The following GRAMD1B variants were observed in gnomAD, a reference collection of about 807,000 sequenced individuals.
The protein encoded by GRAMD1B is protein Aster-B.
A neutral mutation model predicts 99.7 loss-of-function variants in GRAMD1B; 37 were observed. The ratio of observed to expected loss-of-function variants is 0.37; its 90% CI spans 0.29 to 0.49. The LOEUF is 0.49. GRAMD1B is among the 20% of genes least tolerant of loss of function. The probability of loss-of-function intolerance (pLI) is 0.98; values close to 1 mark genes in which losing one functional copy is unlikely to be tolerated. For synonymous variants in GRAMD1B, 427 were observed against 387.6 expected, an observed-to-expected ratio of 1.10 and a Z score of -1.19; for missense variants, 888 against 1,009.2, an observed-to-expected ratio of 0.88 and a Z score of 1.63.
chr11:123,561,825 GA>G (rs1193343018), intron 2 of GRAMD1B, among the ~76,000 whole-genome samples: 1 of 152,142 alleles, frequency 6.6e-6, no homozygotes, highest in Non-Finnish European at 1.5e-5. Context: ...GAACCAAGAT[GA>G]AAAAAGCTGG....
At chr11:123,599,641 T>A (rs1247294196) in intron 7 of GRAMD1B, among the ~76,000 whole-genome samples, 2 of 152,154 alleles carry the variant, frequency 1.3e-5, no homozygotes, top group Non-Finnish European at 2.9e-5. Flanking sequence ...CCTGGCTAAT[T>A]TTTGTATTTT....
At chr11:123,451,831 A>G (rs557989547) in intron 1 of GRAMD1B, among the ~76,000 whole-genome samples, 22 of 131,274 alleles carry the variant, frequency 1.7e-4, no homozygotes, top group African/African-American at 5.3e-4. Flanking sequence ...TTTGTTTGAC[A>G]GCAGATTATA....
chr11:123,491,537 G>A (rs545658889), intron 2 of GRAMD1B: 3 of 205,176 alleles, frequency 1.5e-5, no homozygotes, highest in East Asian at 1.1e-4. Flanking sequence ...GAGGACAAAG[G>A]AGGAGAGGAA....
At chr11:123,477,930 A>G (rs1307114999) in intron 1 of GRAMD1B, among the ~76,000 whole-genome samples, 1 of 151,326 alleles carries the variant, frequency 6.6e-6, no homozygotes, top group African/African-American at 2.4e-5. Flanking sequence ...GCTTGCCACC[A>G]AGACTGGCTA....
Position 123,618,814 on chromosome 11 carries a change from C to A in GRAMD1B, c.2426+14C>A. 1.5e-6 allele frequency: 2 copies of A among 1,301,238 alleles called. No individual in the cohort carries two copies. Among genetic ancestry groups the A allele is most frequent in the South Asian group, 1.3e-5 (1 of 79,370 alleles). The allele number at this position is 1,301,238 out of a possible 1,614,324, so 80.6% of individuals were successfully genotyped here. A position where few individuals can be genotyped will look rare whatever the true frequency, so the allele number is the denominator to read the frequency against. On this transcript the variant is annotated intron_variant, in intron 18 of 19. Coordinates refer to ENST00000635736, the MANE Select transcript of GRAMD1B (RefSeq NM_001387025.1). ...GCTCCAAGAAAGGTAATCCTGGCCT[C>A]GTCCCCTCACCTCCACCTTCATCCC...
In GRAMD1B at chr11:123,430,658, C is replaced by G. The variant is rs532060446; in HGVS notation, c.-135C>G. The G allele has an allele frequency of 2.8e-5, 14 of 508,802 alleles. No homozygotes were observed. The highest frequency in any genetic ancestry group is 1.7e-5 in the Non-Finnish European group (5 of 290,592). 31.5% of individuals were successfully genotyped at this position (508,802 alleles called of 1,614,324 possible). A position where few individuals can be genotyped will look rare whatever the true frequency, so the allele number is the denominator to read the frequency against. On this transcript the variant is annotated 5_prime_UTR_variant, in exon 1 of 20. Coordinates refer to ENST00000635736, the MANE Select transcript of GRAMD1B (RefSeq NM_001387025.1). Reference sequence around the variant, plus strand: ...CTCGCGTCCCTTCCTCGCTGCGCTCCGGGAAAGGAACTTGTTCCTTCGGCC... The same window carrying G: ...CTCGCGTCCCTTCCTCGCTGCGCTCGGGGAAAGGAACTTGTTCCTTCGGCC...
At chr11:123,605,510 C>A in intron 10 of GRAMD1B, 32 bp downstream of exon 10, 3 of 1,574,160 alleles carry the variant, frequency 1.9e-6, no homozygotes, top group Non-Finnish European at 2.6e-6. Flanking sequence ...CTTCTACCCC[C>A]AGTCCTGTGG....
At chr11:123,513,499 CCT>C (rs768277202) in intron 2 of GRAMD1B, among the ~76,000 whole-genome samples, 21 of 148,470 alleles carry the variant, frequency 1.4e-4, no homozygotes, top group African/African-American at 2.5e-4. Flanking sequence ...TTTCTTTCTC[CCT>C]CTCTCTTTCT....
intron 1 of GRAMD1B, among the ~76,000 whole-genome samples, chr11:123,416,654 G>GC (rs1315255388): frequency 5.3e-5 from 8 of 152,202 alleles, no homozygotes; most frequent in African/African-American, 1.9e-4. Flanking sequence ...GTTTTATAGT[G>GC]CCCTATGGTG....
intron 1 of GRAMD1B, among the ~76,000 whole-genome samples, chr11:123,389,851 T>C (rs1947210146): frequency 6.6e-6 from 1 of 152,240 alleles, no homozygotes; most frequent in South Asian, 2.1e-4. Context: ...GTTCAAGCGA[T>C]TCTTGTGCCT....
intron 1 of GRAMD1B, among the ~76,000 whole-genome samples, chr11:123,362,499 T>C (rs1457023356): frequency 6.6e-6 from 1 of 152,172 alleles, no homozygotes; most frequent in Non-Finnish European, 1.5e-5. Flanking sequence ...GGGGTCAGAA[T>C]TGGAGAGTGC....
chr11:123,550,452 C>T (rs1945501198), intron 2 of GRAMD1B, among the ~76,000 whole-genome samples: 1 of 152,178 alleles, frequency 6.6e-6, no homozygotes, highest in South Asian at 2.1e-4. Flanking sequence ...CTGCCATTGT[C>T]TTTCTCACTA....
chr11:123,580,265 T>C (rs1949204423), intron 3 of GRAMD1B, among the ~76,000 whole-genome samples: 1 of 152,186 alleles, frequency 6.6e-6, no homozygotes, highest in East Asian at 1.9e-4. Context: ...TTAGGTTCTT[T>C]GAAGGCCAGG....
At chr11:123,496,981 G>T (rs180680155) in intron 2 of GRAMD1B, among the ~76,000 whole-genome samples, 1 of 152,174 alleles carries the variant, frequency 6.6e-6, no homozygotes, top group Admixed American at 6.5e-5. Flanking sequence ...GTTTGACGAG[G>T]TCATGTTTTC....
intron 2 of GRAMD1B, among the ~76,000 whole-genome samples, chr11:123,570,770 G>A (rs780746697): frequency 2.6e-5 from 4 of 152,120 alleles, no homozygotes; most frequent in African/African-American, 4.8e-5. Flanking sequence ...TTTATGGAGC[G>A]TACCAAGCAC....
At chr11:123,397,056 A>G (rs1947488936) in intron 1 of GRAMD1B, among the ~76,000 whole-genome samples, 2 of 152,194 alleles carry the variant, frequency 1.3e-5, no homozygotes, top group South Asian at 4.1e-4. Context: ...ATCAAAATAC[A>G]GAATGTTTCC....
intron 1 of GRAMD1B, chr11:123,460,488 C>G (rs572951745): frequency 3.3e-5 from 5 of 152,192 alleles, no homozygotes; most frequent in African/African-American, 1.2e-4. Flanking sequence ...GGCAATTACA[C>G]CTAGACACCG....
At chr11:123,552,552 G>T (rs1945736950) in intron 2 of GRAMD1B, among the ~76,000 whole-genome samples, 1 of 149,552 alleles carries the variant, frequency 6.7e-6, no homozygotes, top group Non-Finnish European at 1.5e-5. Context: ...CGCTCAGCCT[G>T]TCTTCTCTTT....
At chr11:123,612,408 T>G (rs1953715679) in intron 14 of GRAMD1B, among the ~76,000 whole-genome samples, 1 of 152,202 alleles carries the variant, frequency 6.6e-6, no homozygotes, top group Non-Finnish European at 1.5e-5. Context: ...CTCAAAAGAC[T>G]TGAACCTCAG....
Sources: allele counts gnomAD v4.1 joint callset (sites outside exome capture counted in the v4.1 genomes callset), GRCh38; gene constraint gnomAD v4.1.1; transcripts MANE v1.5; gene names NCBI Gene and HGNC (gene_info 2026-07-23, HGNC 2026-07-21).